The following ADGRB3 variants were observed in gnomAD, a reference collection of about 807,000 sequenced individuals.
The protein encoded by ADGRB3 is adhesion G protein-coupled receptor B3.
ADGRB3 carries 37 observed loss-of-function variants against 193.4 expected under a neutral mutation model. The observed-to-expected ratio is 0.19, with a 90% CI of 0.15 to 0.25. The LOEUF (loss-of-function observed/expected upper bound fraction) is 0.25. Ranked by LOEUF, ADGRB3 falls within the 10% of genes least tolerant of loss-of-function variation. The probability of loss-of-function intolerance (pLI) is 1.00; values close to 1 mark genes in which losing one functional copy is unlikely to be tolerated. For synonymous variants in ADGRB3, 690 were observed against 644.2 expected (o/e 1.07, Z -1.08); for missense variants, 1,637 against 1,852.9 (o/e 0.88, Z 2.14).
At chr6:68,772,878 C>CAAA (rs1178852808) in intron 3 of ADGRB3, among the ~76,000 whole-genome samples, 4 of 15,702 alleles carry the variant, frequency 2.5e-4, no homozygotes, top group Non-Finnish European at 4.0e-4. Context: ...AACAAACAAA[C>CAAA]AAACAAAAAA....
intron 3 of ADGRB3, among the ~76,000 whole-genome samples, chr6:68,846,376 C>T (rs1032826550): frequency 6.6e-6 from 1 of 152,204 alleles, no homozygotes; most frequent in Admixed American, 6.5e-5. Flanking sequence ...GGAGCCTAAT[C>T]TTACTCCCCA....
chr6:68,875,723 T>C (rs1254462589), intron 3 of ADGRB3, among the ~76,000 whole-genome samples: 1 of 152,128 alleles, frequency 6.6e-6, no homozygotes, highest in African/African-American at 2.4e-5. Flanking sequence ...TACAATATTT[T>C]AATCACATAA....
chr6:68,653,613 T>C (rs1169721950), intron 3 of ADGRB3, among the ~76,000 whole-genome samples: 1 of 152,092 alleles, frequency 6.6e-6, no homozygotes, highest in Non-Finnish European at 1.5e-5. Flanking sequence ...CTAAAATAAG[T>C]ACAGTAATTG....
chr6:69,008,874 A>G (rs933990920), intron 11 of ADGRB3, among the ~76,000 whole-genome samples: 1 of 152,136 alleles, frequency 6.6e-6, no homozygotes, highest in Non-Finnish European at 1.5e-5. Flanking sequence ...TTTACTCAAG[A>G]TAACTAGTTT....
rs994627342 is a variant in ADGRB3, at chr6:68,666,193, TA to T, written c.757+26763del. 3.1e-4 allele frequency among the ~76,000 whole-genome samples: 47 copies of T among 151,996 alleles called. 1 individual carries two copies. The highest frequency in any genetic ancestry group is 8.9e-4 in the African/African-American group (37 of 41,532). On this transcript the variant is annotated intron_variant, in intron 3 of 31. Transcript: ENST00000370598. ...CATTTTGATGTATTAGCTCAGTGTT[TA>T]AGGCATGTTTGAAACTTAAATGCTT...
At chr6:69,043,290 G>GAGAGAAAGAAAGAA (rs1554252049) in intron 13 of ADGRB3, among the ~76,000 whole-genome samples, 4,404 of 87,950 alleles carry the variant, frequency 0.05, 215 homozygotes, top group East Asian at 0.081. Context: ...GGAAGAAAGA[G>GAGAGAAAGAAAGAA]AGAAAGAAAG....
chr6:68,897,506 A>AAGGAAGGAAGGGAGGGAGGCAGGAAAG, intron 3 of ADGRB3, among the ~76,000 whole-genome samples: 1 of 28,996 alleles, frequency 3.4e-5, no homozygotes, highest in Non-Finnish European at 6.4e-5. Context: ...AGGGAAGAGG[A>AAGGAAGGAAGGGAGGGAGGCAGGAAAG]AGGAAGGAAG....
At chr6:69,339,113 C>T in intron 25 of ADGRB3, 99 bp downstream of exon 25, 1 of 1,289,082 alleles carries the variant, frequency 7.8e-7, no homozygotes, top group East Asian at 2.3e-5. Flanking sequence ...AATACAAGAC[C>T]AGAGAGTATA....
chr6:69,294,361 A>G (rs1767762996), intron 20 of ADGRB3, among the ~76,000 whole-genome samples: 1 of 152,116 alleles, frequency 6.6e-6, no homozygotes, highest in Admixed American at 6.6e-5. Context: ...AAACTATTAT[A>G]TATTTAGCTG....
chr6:68,663,115 T>A (rs2802689), intron 3 of ADGRB3, among the ~76,000 whole-genome samples: 77,981 of 151,014 alleles, frequency 0.52, 20,394 homozygotes, highest in Admixed American at 0.57. Context: ...TTATTTTATT[T>A]TGACTTACCT....
At chr6:68,885,239 A>G (rs1296219568) in intron 3 of ADGRB3, among the ~76,000 whole-genome samples, 1 of 152,106 alleles carries the variant, frequency 6.6e-6, no homozygotes, top group African/African-American at 2.4e-5. Flanking sequence ...TGAGGGAGAA[A>G]ATTGAAAGAT....
chr6:69,378,229 T>C (rs1191128128), intron 30 of ADGRB3, among the ~76,000 whole-genome samples: 1 of 152,092 alleles, frequency 6.6e-6, no homozygotes, highest in African/African-American at 2.4e-5. Flanking sequence ...TCAATATCCA[T>C]GGAGCTTATG....
intron 26 of ADGRB3, among the ~76,000 whole-genome samples, chr6:69,345,201 C>T (rs1769059334): frequency 6.6e-6 from 1 of 152,026 alleles, no homozygotes; most frequent in Non-Finnish European, 1.5e-5. Context: ...CAGGGAGGGT[C>T]AGGGTACTGA....
At chr6:69,297,378 C>CTT (rs1344916608) in intron 20 of ADGRB3, among the ~76,000 whole-genome samples, 43 of 136,570 alleles carry the variant, frequency 3.1e-4, no homozygotes, top group African/African-American at 5.4e-4. Context: ...TTCTCTCTCT[C>CTT]TCTCTCTCTC....
At chr6:68,982,420 C>T (rs931678591) in intron 10 of ADGRB3, among the ~76,000 whole-genome samples, 1 of 152,130 alleles carries the variant, frequency 6.6e-6, no homozygotes, top group South Asian at 2.1e-4. Flanking sequence ...TTTAATAAGA[C>T]TATATCTGCT....
At chr6:68,723,871 A>T (rs1023620226) in intron 3 of ADGRB3, among the ~76,000 whole-genome samples, 5 of 151,616 alleles carry the variant, frequency 3.3e-5, no homozygotes, top group African/African-American at 1.2e-4. Flanking sequence ...GCTTGATAAC[A>T]TATTTGAGTG....
At chr6:68,967,526 G>C in intron 8 of ADGRB3, among the ~76,000 whole-genome samples, 1 of 152,006 alleles carries the variant, frequency 6.6e-6, no homozygotes, top group East Asian at 1.9e-4. Flanking sequence ...TAATTTTTAA[G>C]GTAACTGTAG....
rs77289632 is a variant in ADGRB3, at chr6:69,327,237, A to G, written c.2966-583A>G. ...CTTGAATGAGGTAAGTGTAATTCCC[A>G]TAAACGTAAACTAAAAGAAGATGCT... On this transcript the variant is annotated intron_variant, in intron 21 of 31. Coordinates refer to ENST00000370598, the MANE Select transcript of ADGRB3 (RefSeq NM_001704.3). 1.8e-3 allele frequency among the ~76,000 whole-genome samples: 268 copies of G among 152,336 alleles called. 1 individual carries two copies. The highest frequency in any genetic ancestry group is 3.0e-3 in the Non-Finnish European group (204 of 68,026).
chr6:69,240,287 C>T (rs1173882523), intron 20 of ADGRB3, among the ~76,000 whole-genome samples: 1 of 151,916 alleles, frequency 6.6e-6, no homozygotes. Context: ...TGCCCTAGGC[C>T]AGGGGAAGGG....
Sources: allele counts gnomAD v4.1 joint callset (sites outside exome capture counted in the v4.1 genomes callset), GRCh38; gene constraint gnomAD v4.1.1; transcripts MANE v1.5; gene names NCBI Gene and HGNC (gene_info 2026-07-23, HGNC 2026-07-21).